NRXN3: variants seen among roughly 807,000 people sequenced by gnomAD.
The protein encoded by NRXN3 is neurexin 3, also known as neurexin III.
NRXN3 carries 32 observed loss-of-function variants against 137.6 expected under a neutral mutation model. The ratio of observed to expected loss-of-function variants is 0.23; its 90% confidence interval spans 0.18 to 0.31. The LOEUF (loss-of-function observed/expected upper bound fraction) is 0.31, where lower values mean the gene tolerates loss of function less well. Among genes scored for constraint, NRXN3 ranks in the 10% least tolerant of loss-of-function variants. NRXN3 has a pLI of 1.00. For synonymous variants in NRXN3, 798 were observed against 784.5 expected, an observed-to-expected ratio of 1.02 and a Z score of -0.29; for missense variants, 1,574 against 2,062.5, an observed-to-expected ratio of 0.76 and a Z score of 4.59.
chr14:79,106,538 A>T (rs1178342776), intron 15 of NRXN3, among the ~76,000 whole-genome samples: 1 of 152,070 alleles, frequency 6.6e-6, no homozygotes, highest in African/African-American at 2.4e-5. Flanking sequence ...AAAATTACCA[A>T]ACTAATAAAA....
chr14:79,742,650 A>G (rs1174525588), intron 19 of NRXN3, among the ~76,000 whole-genome samples: 1 of 152,130 alleles, frequency 6.6e-6, no homozygotes, highest in African/African-American at 2.4e-5. Flanking sequence ...TGAAAAAAGG[A>G]CTATTGCCTG....
At chr14:79,826,327 A>T (rs1437523539) in intron 20 of NRXN3, among the ~76,000 whole-genome samples, 2 of 152,090 alleles carry the variant, frequency 1.3e-5, no homozygotes, top group African/African-American at 4.8e-5. Flanking sequence ...ATTTTCAAAT[A>T]ACTTTATAGT....
At chr14:79,375,237 T>TG (rs1566946332) in intron 15 of NRXN3, among the ~76,000 whole-genome samples, 3 of 132,330 alleles carry the variant, frequency 2.3e-5, no homozygotes, top group Non-Finnish European at 4.6e-5. Context: ...GTTTTTGTGT[T>TG]TTTTTTTTTT....
At chr14:79,174,882 G>C (rs760853340) in intron 15 of NRXN3, among the ~76,000 whole-genome samples, 7 of 151,838 alleles carry the variant, frequency 4.6e-5, no homozygotes, top group Non-Finnish European at 1.0e-4. Flanking sequence ...CGCTTGGAGA[G>C]AGGAAGGGGA....
intron 15 of NRXN3, among the ~76,000 whole-genome samples, chr14:79,112,091 A>G (rs1231770557): frequency 6.6e-6 from 1 of 152,220 alleles, no homozygotes; most frequent in East Asian, 1.9e-4. Context: ...GTATTCTATC[A>G]TTTTATTTTT....
In NRXN3 at chr14:78,657,980, C is replaced by T. The variant is rs1194855517; in HGVS notation, c.1221+6654C>T. Among the ~76,000 whole-genome samples, 4 of 152,302 alleles carry T rather than the reference C, an allele frequency of 2.6e-5. No homozygotes were observed. The East Asian group carries it at 5.8e-4, about 22-fold the overall frequency. On this transcript the variant is annotated intron_variant, in intron 6 of 20. Coordinates refer to ENST00000335750, the MANE Select transcript of NRXN3 (RefSeq NM_001330195.2). ...TTCTTCCTTACTCATTTTCCTCCCT[C>T]TTCCCCATCTCCGTTCCGTTTTTCT...
chr14:78,825,196 CAAAAAAAA>C (rs11335474), intron 10 of NRXN3, among the ~76,000 whole-genome samples: 12 of 75,812 alleles, frequency 1.6e-4, no homozygotes, highest in East Asian at 1.0e-3. Context: ...GACTCTGCCT[CAAAAAAAA>C]AAAAAAAAAA....
chr14:79,224,989 G>A (rs112382794), intron 15 of NRXN3, among the ~76,000 whole-genome samples: 139 of 152,202 alleles, frequency 9.1e-4, no homozygotes, highest in African/African-American at 3.3e-3. Context: ...GCCGCCCTAG[G>A]AAACTAATAC....
At chr14:78,529,423 A>G (rs962027448) in intron 4 of NRXN3, among the ~76,000 whole-genome samples, 3 of 152,232 alleles carry the variant, frequency 2.0e-5, no homozygotes, top group African/African-American at 7.2e-5. Flanking sequence ...ACTAAGTTCT[A>G]TACTTAACTT....
At chr14:79,439,633 T>C (rs1180825154) in intron 15 of NRXN3, among the ~76,000 whole-genome samples, 2 of 152,202 alleles carry the variant, frequency 1.3e-5, no homozygotes, top group African/African-American at 2.4e-5. Context: ...ATAAAATAAA[T>C]ATTCAATGGA....
chr14:78,324,958 C>T (rs892161049), intron 4 of NRXN3, among the ~76,000 whole-genome samples: 30 of 151,734 alleles, frequency 2.0e-4, no homozygotes, highest in Admixed American at 1.5e-3. Flanking sequence ...GACATTCATA[C>T]GTGATGCTAA....
intron 16 of NRXN3, among the ~76,000 whole-genome samples, chr14:79,600,134 C>T (rs917649963): frequency 6.6e-6 from 1 of 152,192 alleles, no homozygotes; most frequent in Non-Finnish European, 1.5e-5. Context: ...GGTGGAGGAG[C>T]TGAGGTTTGA....
chr14:78,741,811 G>GC (rs1413753587), intron 8 of NRXN3, among the ~76,000 whole-genome samples: 7 of 152,110 alleles, frequency 4.6e-5, no homozygotes, highest in Non-Finnish European at 8.8e-5. Context: ...CTTGGACTCA[G>GC]CTTTTTTTCT....
At chr14:79,813,778 A>G (rs183922336) in intron 20 of NRXN3, among the ~76,000 whole-genome samples, 68 of 152,292 alleles carry the variant, frequency 4.5e-4, no homozygotes, top group African/African-American at 1.6e-3. Context: ...TGCATGGACC[A>G]CTTGCCTTTA....
chr14:79,019,063 A>G (rs929756888), intron 15 of NRXN3, among the ~76,000 whole-genome samples: 2 of 152,168 alleles, frequency 1.3e-5, no homozygotes, highest in Non-Finnish European at 2.9e-5. Flanking sequence ...AGCATGACTC[A>G]TTACTATTCC....
chr14:78,225,851 A>G, intron 1 of NRXN3, among the ~76,000 whole-genome samples: 1 of 152,040 alleles, frequency 6.6e-6, no homozygotes, highest in Non-Finnish European at 1.5e-5. Context: ...CCTTATGGTT[A>G]CTGCTCACAT....
chr14:79,849,697 A>G (rs1421115223), intron 20 of NRXN3, among the ~76,000 whole-genome samples: 1 of 152,194 alleles, frequency 6.6e-6, no homozygotes, highest in Non-Finnish European at 1.5e-5. Flanking sequence ...AACAGTATGG[A>G]AGTTCCTAAA....
chr14:79,763,509 G>A (rs2099045931), intron 19 of NRXN3, among the ~76,000 whole-genome samples: 2 of 151,412 alleles, frequency 1.3e-5, no homozygotes, highest in Non-Finnish European at 2.9e-5. Context: ...AGTTTCAAAG[G>A]CAGATAGCTA....
chr14:79,795,112 G>A (rs558258657), intron 19 of NRXN3, among the ~76,000 whole-genome samples: 4 of 152,326 alleles, frequency 2.6e-5, no homozygotes, highest in Admixed American at 1.3e-4. Context: ...CAGCAAATGA[G>A]TGTTGCTGTT....
Sources: allele counts gnomAD v4.1 joint callset (sites outside exome capture counted in the v4.1 genomes callset), GRCh38; gene constraint gnomAD v4.1.1; transcripts MANE v1.5; gene names NCBI Gene and HGNC (gene_info 2026-07-23, HGNC 2026-07-21).